Variants in TG observed in about 807,000 individuals in gnomAD.
TG encodes thyroid hormones.
TG carries 270 observed loss-of-function variants against 324.7 expected under a neutral mutation model. That is an observed-to-expected ratio of 0.83 (90% confidence interval 0.75 to 0.92). The LOEUF (loss-of-function observed/expected upper bound fraction) is 0.92, where lower values mean the gene tolerates loss of function less well. TG is among the 40% of genes least tolerant of loss of function. TG has a pLI of 0.00. For synonymous variants in TG, 1,401 were observed against 1,327.0 expected, an observed-to-expected ratio of 1.06 and a Z score of -1.21; for missense variants, 3,591 against 3,456.4, an observed-to-expected ratio of 1.04 and a Z score of -0.98.
At chr8:133,017,362 G>A (rs1015473112) in intron 37 of TG, among the ~76,000 whole-genome samples, 5 of 150,698 alleles carry the variant, frequency 3.3e-5, no homozygotes, top group African/African-American at 9.8e-5. Flanking sequence ...CTCTCAGGAT[G>A]AGTAACCCAC....
At chr8:132,931,354 G>A (rs1021827044) in intron 23 of TG, among the ~76,000 whole-genome samples, 9 of 152,242 alleles carry the variant, frequency 5.9e-5, no homozygotes, top group African/African-American at 2.2e-4. Flanking sequence ...CAAATTGTGA[G>A]TTTAAAACAT....
intron 34 of TG, among the ~76,000 whole-genome samples, chr8:132,976,273 C>T (rs1287129422): frequency 1.3e-5 from 2 of 152,248 alleles, no homozygotes; most frequent in East Asian, 3.9e-4. Flanking sequence ...ATCAAGGAGC[C>T]AGCATCTGTC....
chr8:133,030,338 A>T (rs140872431), intron 41 of TG, among the ~76,000 whole-genome samples: 2 of 152,314 alleles, frequency 1.3e-5, no homozygotes, highest in Non-Finnish European at 2.9e-5. Flanking sequence ...ATGATGGTAA[A>T]GAAGAGAACT....
chr8:133,127,387 C>A (rs549200397), intron 45 of TG, among the ~76,000 whole-genome samples: 1 of 152,254 alleles, frequency 6.6e-6, no homozygotes, highest in East Asian at 1.9e-4. Context: ...TCCTCAGCAG[C>A]ACCAGCAGGA....
chr8:132,910,617 C>T (rs1819379308), intron 18 of TG, among the ~76,000 whole-genome samples: 2 of 152,128 alleles, frequency 1.3e-5, no homozygotes, highest in Non-Finnish European at 2.9e-5. Flanking sequence ...CTTGCCCCTT[C>T]CACCATGGAC....
chr8:133,085,492 A>T (rs568203663), intron 41 of TG, among the ~76,000 whole-genome samples: 3 of 152,226 alleles, frequency 2.0e-5, no homozygotes, highest in Non-Finnish European at 4.4e-5. Flanking sequence ...CATAAAGAAC[A>T]CTTACAACTC....
chr8:133,028,369 C>T (rs1836301873), intron 40 of TG, among the ~76,000 whole-genome samples: 1 of 152,186 alleles, frequency 6.6e-6, no homozygotes. Flanking sequence ...ACACAAAATG[C>T]ATTTGAAGAA....
chr8:133,065,516 C>G (rs902905555), intron 41 of TG, among the ~76,000 whole-genome samples: 3 of 152,180 alleles, frequency 2.0e-5, no homozygotes, highest in Non-Finnish European at 4.4e-5. Flanking sequence ...GATCCTAGCA[C>G]TTTGGGAAGC....
At chr8:133,122,735 C>T (rs774329139) in intron 45 of TG, among the ~76,000 whole-genome samples, 9 of 152,106 alleles carry the variant, frequency 5.9e-5, no homozygotes, top group Non-Finnish European at 8.8e-5. Flanking sequence ...AATGTCTCTG[C>T]GTGTGAGTGT....
chr8:132,997,681 A>C (rs2130807748), intron 35 of TG, among the ~76,000 whole-genome samples: 1 of 152,274 alleles, frequency 6.6e-6, no homozygotes, highest in Admixed American at 6.5e-5. Flanking sequence ...TGGAGTAAAG[A>C]GGAAGGAAAC....
At chr8:133,074,142 AC>A (rs1206128411) in intron 41 of TG, among the ~76,000 whole-genome samples, 1 of 151,696 alleles carries the variant, frequency 6.6e-6, no homozygotes, top group Non-Finnish European at 1.5e-5. Flanking sequence ...ATCTCTTCCA[AC>A]TCTAACATGC....
At chr8:133,051,508 C>T (rs1270648863) in intron 41 of TG, among the ~76,000 whole-genome samples, 2 of 152,026 alleles carry the variant, frequency 1.3e-5, no homozygotes, top group Non-Finnish European at 2.9e-5. Context: ...TTATTTCTTG[C>T]AGAATATAAG....
chr8:133,067,779 A>G (rs553672458), intron 41 of TG, among the ~76,000 whole-genome samples: 1 of 149,704 alleles, frequency 6.7e-6, no homozygotes, highest in African/African-American at 2.5e-5. Flanking sequence ...CTCCATCTAG[A>G]AAGAAAGAAA....
At chr8:133,080,956 A>T (rs768315145) in intron 41 of TG, among the ~76,000 whole-genome samples, 18 of 152,222 alleles carry the variant, frequency 1.2e-4, no homozygotes, top group Non-Finnish European at 2.1e-4. Flanking sequence ...TTTTATTTGC[A>T]TCCTAGGAAT....
At chr8:132,992,841 T>G (rs1173536222) in intron 35 of TG, among the ~76,000 whole-genome samples, 5 of 152,234 alleles carry the variant, frequency 3.3e-5, no homozygotes, top group African/African-American at 1.2e-4. Flanking sequence ...TTCACCCTGC[T>G]GTACTGCCTC....
At chr8:132,870,004 A>G (rs1031015235) in intron 3 of TG, among the ~76,000 whole-genome samples, 178 bp downstream of exon 3, 1 of 152,218 alleles carries the variant, frequency 6.6e-6, no homozygotes, top group African/African-American at 2.4e-5. Context: ...CTGCAGGGCC[A>G]CTGTGAAAGT....
At chr8:133,081,843 C>T (rs1414346804) in intron 41 of TG, among the ~76,000 whole-genome samples, 1 of 152,226 alleles carries the variant, frequency 6.6e-6, no homozygotes, top group Admixed American at 6.5e-5. Flanking sequence ...TGCTCACTTC[C>T]TGTAGCTGCA....
chr8:132,921,792 A>G (rs1418839023), intron 21 of TG, among the ~76,000 whole-genome samples: 1 of 152,178 alleles, frequency 6.6e-6, no homozygotes, highest in Non-Finnish European at 1.5e-5. Context: ...TGATGTATTA[A>G]CTCATGTATA....
intron 41 of TG, among the ~76,000 whole-genome samples, chr8:133,070,259 G>C (rs2245047): frequency 0.84 from 126,974 of 151,728 alleles, 53,480 homozygotes; most frequent in African/African-American, 0.93. Context: ...GTGTGGAGCG[G>C]TCTCATAAGC....
Sources: gnomAD v4.1 joint callset for allele counts (sites outside exome capture counted in the v4.1 genomes callset) on GRCh38, gnomAD v4.1.1 for gene constraint, MANE v1.5 for transcripts, NCBI Gene and HGNC (gene_info 2026-07-23, HGNC 2026-07-21) for gene names.